The following UBA1 variants were observed in gnomAD, a reference collection of about 807,000 sequenced individuals.
The protein encoded by UBA1 is ubiquitin-like modifier-activating enzyme 1.
UBA1 carries 4 observed loss-of-function variants against 84.7 expected under a neutral mutation model. The observed-to-expected ratio is 0.05, with a 90% CI of 0.02 to 0.11. The LOEUF (loss-of-function observed/expected upper bound fraction) is 0.11. Ranked by LOEUF, UBA1 falls within the 10% of genes least tolerant of loss-of-function variation. The pLI, the probability that UBA1 is intolerant of heterozygous loss-of-function variation, is 1.00. For synonymous variants in UBA1, 364 were observed against 362.6 expected, an observed-to-expected ratio of 1.00 and a Z score of -0.04; for missense variants, 513 against 902.8, an observed-to-expected ratio of 0.57 and a Z score of 5.53.
rs1490042676 is a variant in UBA1 at position 47,210,736 on chromosome X, C to T, written c.2200-106C>T. 4.6e-6 allele frequency: 4 copies of T among 860,695 alleles called. No individual in the cohort carries two copies. The East Asian group carries it at 1.0e-4, about 22-fold the overall frequency. The allele number at this position is 860,695 out of a possible 1,213,427, so 70.9% of individuals were successfully genotyped here. ...TCCAGTCCGCATCGAGTGCCCAACCCAAGATAGTGAATTGGGGGCACATCT... is the reference window on the plus strand; with the variant it reads ...TCCAGTCCGCATCGAGTGCCCAACCTAAGATAGTGAATTGGGGGCACATCT... On this transcript the variant is annotated intron_variant, in intron 18 of 25. Transcript: ENST00000335972.
intron 14 of UBA1, chrX:47,205,136 T>G (rs782038389): frequency 2.2e-5 from 4 of 181,657 alleles, no homozygotes; most frequent in African/African-American, 9.1e-5. Flanking sequence ...GGGACTAGAG[T>G]GCCCTCTGCT....
At chrX:47,201,871 AAC>A (rs1936430093) in intron 8 of UBA1, among the ~76,000 whole-genome samples, 1 of 111,650 alleles carries the variant, frequency 9.0e-6, no homozygotes, top group Non-Finnish European at 1.9e-5. Flanking sequence ...CTGGTGTTTG[AAC>A]AGGGCAGATC....
intron 20 of UBA1, among the ~76,000 whole-genome samples, chrX:47,211,745 G>A (rs1936926626): frequency 2.0e-5 from 2 of 98,379 alleles, no homozygotes; most frequent in Non-Finnish European, 2.0e-5. Flanking sequence ...GCTCTGTAAC[G>A]CCCCCTACAT....
At chrX:47,202,286 G>T (rs1936444962) in intron 9 of UBA1, 33 bp downstream of exon 9, 2 of 1,206,268 alleles carry the variant, frequency 1.7e-6, no homozygotes, top group Non-Finnish European at 2.2e-6. Flanking sequence ...TGGGCTGTGG[G>T]GGGTGGTTCT....
chrX:47,208,363 T>TA (rs1457630935), intron 16 of UBA1, among the ~76,000 whole-genome samples: 1 of 111,728 alleles, frequency 9.0e-6, no homozygotes, highest in Non-Finnish European at 1.9e-5. Context: ...GCGTGCCCGT[T>TA]ACGTTGACCA....
At position 47,202,981 on chromosome X, in the gene UBA1, A is replaced by G; in HGVS notation, c.1272A>G (p.Leu424=). 2 of 1,211,611 alleles carry G rather than the reference A, an allele frequency of 1.7e-6. No homozygotes were observed. Among genetic ancestry groups the G allele is most frequent in the Non-Finnish European group, 2.2e-6 (2 of 895,414 alleles). Residue 424 remains leucine, a synonymous_variant, in exon 12 of 26, where the codon CTA becomes CTG. Transcript: ENST00000335972. ...AGTTCATGCCCATCATGCAGTGGCT[A>G]TACTTTGATGCCCTTGAGTGTCTCC... ...SGKFMPIMQW[L]YFDALECLPE...
chrX:47,196,859 A>G (rs1556785660), intron 1 of UBA1, among the ~76,000 whole-genome samples: 1 of 112,026 alleles, frequency 8.9e-6, no homozygotes, highest in African/African-American at 3.2e-5. Context: ...ACTAAGTAAT[A>G]GAGGCCACTA....
In UBA1 at chrX:47,206,082, C is replaced by T. The variant is rs1556790843; in HGVS notation, c.1710C>T (p.Gly570=). 2.5e-6 allele frequency: 3 copies of T among 1,204,693 alleles called. No homozygotes were observed. Among genetic ancestry groups the T allele is most frequent in the Non-Finnish European group, 2.2e-6 (2 of 891,862 alleles). Residue 570 remains glycine (G), a synonymous_variant, in exon 15 of 26, where the codon GGC becomes GGT. Transcript: ENST00000335972. The part of the protein sequence containing the change: ...YDDDFFQNLD[G]VANALDNVDA... ...ACGATTTTTTCCAAAACCTAGATGG[C>T]GTGGCCAATGCCCTGGACAACGTGG... is the stretch of plus-strand genomic sequence containing the variant.
chrX:47,201,078 C>T, intron 6 of UBA1, 78 bp downstream of exon 6: 1 of 949,381 alleles, frequency 1.1e-6, no homozygotes, highest in Non-Finnish European at 1.5e-6. Context: ...TCTAGGCTCT[C>T]CCTGCCCTCA....
chrX:47,208,688 C>G (rs1308119218), intron 16 of UBA1: 2 of 98,894 alleles, frequency 2.0e-5, no homozygotes, highest in East Asian at 6.4e-4. Context: ...GTGGCGCAGT[C>G]TCGGCTCACT....
At chrX:47,207,905 A>C (rs1209565803) in intron 16 of UBA1, among the ~76,000 whole-genome samples, 1 of 112,105 alleles carries the variant, frequency 8.9e-6, no homozygotes, top group Admixed American at 9.5e-5. Context: ...CACTGTTTTA[A>C]CCAAGCTTTA....
chrX:47,211,440 C>T (rs1936911500), intron 20 of UBA1, among the ~76,000 whole-genome samples: 1 of 111,789 alleles, frequency 8.9e-6, no homozygotes, highest in Admixed American at 9.4e-5. Flanking sequence ...ATCTGGCCCT[C>T]AGGAGAACTT....
At chrX:47,204,442 A>G (rs1556789919) in intron 14 of UBA1, among the ~76,000 whole-genome samples, 1 of 111,513 alleles carries the variant, frequency 9.0e-6, no homozygotes, top group Non-Finnish European at 1.9e-5. Flanking sequence ...AAGGTGTAAC[A>G]AGACATGAAA....
In UBA1 at chrX:47,200,915, C is replaced by G. The variant is rs782177423; in HGVS notation, c.502C>G (p.Pro168Ala). 2 of 1,200,825 alleles carry G rather than the reference C, an allele frequency of 1.7e-6. No individual in the cohort carries two copies. Among genetic ancestry groups the G allele is most frequent in the Non-Finnish European group, 1.1e-6 (1 of 889,971 alleles). The part of the protein sequence containing the change: ...GFQVVVLTNT[P>A]LEDQLRVGEF... ...ACAGGTGGTGGTGCTCACCAACACC[C>G]CCCTGGAGGACCAGCTGCGAGTGGG... Residue 168 changes from proline to alanine, a missense_variant, in exon 6 of 26, where the codon CCC becomes GCC. Pro to Ala is a conservative substitution (Grantham distance 27, BLOSUM62 -1). Transcript: ENST00000335972.
At chrX:47,214,688 C>T in intron 25 of UBA1, 51 bp downstream of exon 25, 2 of 1,190,511 alleles carry the variant, frequency 1.7e-6, no homozygotes, top group African/African-American at 1.7e-5. Flanking sequence ...GGTTGGGGAG[C>T]CTCATCATCC....
chrX:47,201,743 C>A, intron 8 of UBA1, 133 bp downstream of exon 8: 1 of 771,692 alleles, frequency 1.3e-6, no homozygotes, highest in Non-Finnish European at 1.9e-6. Context: ...TTGAGATGAA[C>A]TACAGACAAT....
intron 1 of UBA1, among the ~76,000 whole-genome samples, chrX:47,194,277 A>G (rs952435975): frequency 2.0e-4 from 22 of 112,052 alleles, no homozygotes; most frequent in Non-Finnish European, 3.4e-4. Context: ...CTCACGCCCA[A>G]CATCTCTAGT....
At chrX:47,206,198 T>C in intron 15 of UBA1, 50 bp from the exon 16 acceptor site, 1 of 1,179,310 alleles carries the variant, frequency 8.5e-7, no homozygotes. Context: ...TCCGTCTTTC[T>C]GTCCTCTCCT....
intron 16 of UBA1, 69 bp from the exon 17 acceptor site, chrX:47,209,551 CCTT>C (rs1316058383): frequency 1.0e-6 from 1 of 982,370 alleles, no homozygotes; most frequent in Non-Finnish European, 1.5e-6. Context: ...CACTGATGGT[CCTT>C]CTAATAATGC....
Sources: gnomAD v4.1 joint callset for allele counts (sites outside exome capture counted in the v4.1 genomes callset) on GRCh38, gnomAD v4.1.1 for gene constraint, MANE v1.5 for transcripts, NCBI Gene and HGNC (gene_info 2026-07-23, HGNC 2026-07-21) for gene names.